Variants in SEMA5A observed in about 807,000 individuals in gnomAD.
The protein encoded by SEMA5A is semaphorin-5A.
A neutral mutation model predicts 135.5 loss-of-function variants in SEMA5A; 55 were observed. That is an observed-to-expected ratio of 0.41 (90% CI 0.33 to 0.51). The LOEUF (loss-of-function observed/expected upper bound fraction) is 0.51. Ranked by LOEUF, SEMA5A falls within the 20% of genes least tolerant of loss-of-function variation. SEMA5A has a pLI of 0.37. For synonymous variants in SEMA5A, 580 were observed against 546.5 expected, an observed-to-expected ratio of 1.06 and a Z score of -0.85; for missense variants, 1,290 against 1,419.9, an observed-to-expected ratio of 0.91 and a Z score of 1.47.
intron 12 of SEMA5A, among the ~76,000 whole-genome samples, chr5:9,150,466 T>C (rs1408776406): frequency 1.3e-5 from 2 of 152,314 alleles, no homozygotes; most frequent in East Asian, 1.9e-4. Flanking sequence ...ATCTATTAAA[T>C]GGCTGTGCTA....
chr5:9,087,665 T>C (rs1429420503), intron 16 of SEMA5A, among the ~76,000 whole-genome samples: 1 of 152,074 alleles, frequency 6.6e-6, no homozygotes, highest in Admixed American at 6.6e-5. Flanking sequence ...TCATATATTA[T>C]AATATCATAA....
intron 2 of SEMA5A, among the ~76,000 whole-genome samples, chr5:9,429,646 T>C (rs1030360714): frequency 2.6e-5 from 4 of 152,208 alleles, no homozygotes; most frequent in South Asian, 2.1e-4. Context: ...TTGAATAAAC[T>C]TGAAGTAGGC....
intron 1 of SEMA5A, among the ~76,000 whole-genome samples, chr5:9,536,677 C>T (rs1737787026): frequency 6.6e-6 from 1 of 151,872 alleles, no homozygotes; most frequent in Admixed American, 6.6e-5. Flanking sequence ...GTTTAGATCA[C>T]CCAGACACCC....
rs369375324 is a variant in SEMA5A, at chr5:9,060,440, G to A, written c.2518+2447C>T. Among the ~76,000 whole-genome samples the A allele has an allele frequency of 3.5e-3, 527 of 152,236 alleles. 1 individual carries two copies. Among genetic ancestry groups the A allele is most frequent in the African/African-American group, 0.012 (508 of 41,550 alleles). Reference sequence around the variant, plus strand: ...GGGTCTGGAGCCCAGGGAGACAAGGGTGGGTGGAGGGACCCTGACATTCCC... The same window carrying A: ...GGGTCTGGAGCCCAGGGAGACAAGGATGGGTGGAGGGACCCTGACATTCCC... On this transcript the variant is annotated intron_variant, in intron 18 of 22. Coordinates refer to ENST00000382496, the MANE Select transcript of SEMA5A (RefSeq NM_003966.3).
chr5:9,403,556 G>T lies in SEMA5A; in HGVS notation c.-77-23533C>A, dbSNP rs149212273. ...GTACTTTCCTTGTGGGTTGCTATAA[G>T]GATTGTAATATTGAATACCCTCCAT... On this transcript the variant is annotated intron_variant, in intron 2 of 22. Transcript: ENST00000382496. Among the ~76,000 whole-genome samples the T allele has an allele frequency of 3.9e-5, 6 of 152,212 alleles. No homozygotes were observed. The East Asian group carries it at 1.2e-3, about 29-fold the overall frequency.
intron 5 of SEMA5A, among the ~76,000 whole-genome samples, chr5:9,291,098 G>A (rs920892460): frequency 2.6e-5 from 4 of 152,074 alleles, no homozygotes; most frequent in African/African-American, 7.2e-5. Flanking sequence ...CTTTCCATCC[G>A]TCTCTTGAGA....
intron 16 of SEMA5A, among the ~76,000 whole-genome samples, chr5:9,077,420 A>C (rs558663117): frequency 6.6e-6 from 1 of 152,336 alleles, no homozygotes; most frequent in Non-Finnish European, 1.5e-5. Context: ...TACTCTTACT[A>C]GTCATAGAAT....
intron 2 of SEMA5A, among the ~76,000 whole-genome samples, chr5:9,424,173 A>AG (rs1253387564): frequency 1.3e-5 from 2 of 152,196 alleles, no homozygotes; most frequent in Non-Finnish European, 2.9e-5. Flanking sequence ...GCTGATTGTG[A>AG]GAAAAAAAAA....
chr5:9,495,918 C>T lies in SEMA5A; in HGVS notation c.-175+49666G>A, dbSNP rs187705165. ...AATACTCATTGGTTTACTCATTACC[C>T]CTCTGCTCCCCTCTCCCATCCACAC... On this transcript the variant is annotated intron_variant, in intron 1 of 22. Transcript: ENST00000382496. Among the ~76,000 whole-genome samples the T allele has an allele frequency of 2.0e-5, 3 of 152,198 alleles. No homozygotes were observed. The East Asian group carries it at 5.8e-4, about 29-fold the overall frequency.
intron 11 of SEMA5A, among the ~76,000 whole-genome samples, chr5:9,162,585 T>TATATATATATATAC (rs370982773): frequency 4.7e-4 from 53 of 112,044 alleles, no homozygotes; most frequent in Middle Eastern, 4.5e-3. Context: ...TATATATATA[T>TATATATATATATAC]ACACACACAC....
chr5:9,256,261 G>A (rs1302530459), intron 5 of SEMA5A, among the ~76,000 whole-genome samples: 1 of 152,060 alleles, frequency 6.6e-6, no homozygotes, highest in Non-Finnish European at 1.5e-5. Context: ...AAAGTCTTGG[G>A]CCTGGTTCAC....
chr5:9,294,311 C>T (rs150201419), intron 5 of SEMA5A, among the ~76,000 whole-genome samples: 20 of 152,316 alleles, frequency 1.3e-4, no homozygotes, highest in African/African-American at 4.8e-4. Flanking sequence ...CTGCCTCACT[C>T]TGTGGACTTG....
chr5:9,234,775 C>G (rs1299338997), intron 6 of SEMA5A, among the ~76,000 whole-genome samples: 1 of 152,048 alleles, frequency 6.6e-6, no homozygotes, highest in African/African-American at 2.4e-5. Flanking sequence ...CCATTAAAAC[C>G]CAAAGCATGT....
At chr5:9,375,936 T>C (rs886783329) in intron 3 of SEMA5A, among the ~76,000 whole-genome samples, 1 of 152,094 alleles carries the variant, frequency 6.6e-6, no homozygotes, top group Non-Finnish European at 1.5e-5. Flanking sequence ...TCTTATCTGC[T>C]TTCTCTTCTT....
intron 8 of SEMA5A, among the ~76,000 whole-genome samples, chr5:9,222,796 C>A (rs1305944212): frequency 1.3e-5 from 2 of 152,188 alleles, no homozygotes; most frequent in East Asian, 3.9e-4. Flanking sequence ...TGCTGACAAC[C>A]AGGACGCTGA....
intron 8 of SEMA5A, among the ~76,000 whole-genome samples, chr5:9,223,355 G>A (rs533299059): frequency 7.9e-5 from 12 of 152,220 alleles, no homozygotes; most frequent in South Asian, 6.2e-4. Context: ...ATATGTACAC[G>A]TATCCATGGT....
chr5:9,275,723 T>A (rs576452213), intron 5 of SEMA5A, among the ~76,000 whole-genome samples: 99 of 152,124 alleles, frequency 6.5e-4, no homozygotes, highest in African/African-American at 2.3e-3. Context: ...ACAAAACCAA[T>A]GAGAAAAAAC....
rs1435498478 is a variant in SEMA5A at position 9,041,882 on chromosome 5, A to G, written c.*1015T>C. On this transcript the variant is annotated 3_prime_UTR_variant, in exon 23 of 23. Transcript: ENST00000382496. ...CAGAGAGATGAAAAATAAAATGATT[A>G]TCATTAATATCAGTTCTTTCAATAT... 2.6e-5 allele frequency: 4 copies of G among 152,642 alleles called. 1 individual carries two copies. Among genetic ancestry groups the G allele is most frequent in the African/African-American group, 7.2e-5 (3 of 41,442 alleles). 9.5% of individuals were successfully genotyped at this position (152,642 alleles called of 1,614,324 possible). A position where few individuals can be genotyped will look rare whatever the true frequency, so the allele number is the denominator to read the frequency against.
intron 15 of SEMA5A, among the ~76,000 whole-genome samples, chr5:9,108,742 A>G (rs1740062129): frequency 6.6e-6 from 1 of 152,196 alleles, no homozygotes; most frequent in Admixed American, 6.5e-5. Flanking sequence ...TAGTTATATT[A>G]GGATAAGTTA....
Sources: allele counts gnomAD v4.1 joint callset (sites outside exome capture counted in the v4.1 genomes callset), GRCh38; gene constraint gnomAD v4.1.1; transcripts MANE v1.5; gene names NCBI Gene and HGNC (gene_info 2026-07-23, HGNC 2026-07-21).